ZNF98: variants seen among roughly 807,000 people sequenced by gnomAD.
ZNF98 encodes zinc finger protein 739.
ZNF98 carries 8 observed loss-of-function variants against 12.8 expected under a neutral mutation model. The ratio of observed to expected loss-of-function variants is 0.63; its 90% CI spans 0.37 to 1.13. The LOEUF is 1.13. Ranked by LOEUF, ZNF98 falls within the 50% of genes most tolerant of loss-of-function variation. ZNF98 has a pLI of 0.01. For missense variants in ZNF98, 379 were observed against 666.1 expected (o/e 0.57, Z 4.74); for synonymous variants, 112 against 223.5 (o/e 0.50, Z 4.45).
chr19:22,422,278 T>A lies in ZNF98; in HGVS notation c.-54A>T. ...GTCACAGGGCCACAGAGGCTGGGCC[T>A]CTACGAGCAGAGGACACAGAAGGGC... On this transcript the variant is annotated 5_prime_UTR_variant, in exon 1 of 4. Transcript: ENST00000357774. 6.2e-7 allele frequency: 1 copy of A among 1,604,714 alleles called. No individual in the cohort carries two copies. Among genetic ancestry groups the A allele is most frequent in the Non-Finnish European group, 8.5e-7 (1 of 1,173,258 alleles).
chr19:22,398,442 T>C (rs1969421122), intron 3 of ZNF98, among the ~76,000 whole-genome samples: 1 of 151,618 alleles, frequency 6.6e-6, no homozygotes, highest in Admixed American at 6.6e-5. Context: ...TACAGCTCAC[T>C]GCAGCCTCAA....
intron 3 of ZNF98, among the ~76,000 whole-genome samples, chr19:22,396,877 T>C (rs538882141): frequency 6.6e-6 from 1 of 152,230 alleles, no homozygotes; most frequent in South Asian, 2.1e-4. Flanking sequence ...TCCCAGCACT[T>C]TGGGAGGCTG....
At chr19:22,410,553 G>C (rs1470840594) in intron 1 of ZNF98, among the ~76,000 whole-genome samples, 2 of 152,130 alleles carry the variant, frequency 1.3e-5, no homozygotes, top group Non-Finnish European at 2.9e-5. Context: ...TGAACAATGA[G>C]AACACATGGA....
chr19:22,417,859 A>T (rs1969662569), intron 1 of ZNF98, among the ~76,000 whole-genome samples: 1 of 152,036 alleles, frequency 6.6e-6, no homozygotes, highest in African/African-American at 2.4e-5. Context: ...CAGCTGTGGG[A>T]AAAGGGGGTC....
At chr19:22,412,779 G>A (rs368535404) in intron 1 of ZNF98, among the ~76,000 whole-genome samples, 51 of 152,088 alleles carry the variant, frequency 3.4e-4, no homozygotes, top group South Asian at 3.1e-3. Context: ...GAGGTGGGGC[G>A]CAGTGGCTCA....
chr19:22,400,811 G>A (rs1173062538), intron 3 of ZNF98, among the ~76,000 whole-genome samples: 4 of 150,000 alleles, frequency 2.7e-5, no homozygotes, highest in Admixed American at 2.7e-4. Context: ...AAATTAGCCA[G>A]GCATGGTGGC....
At chr19:22,409,150 T>A (rs999177429) in intron 1 of ZNF98, among the ~76,000 whole-genome samples, 1 of 152,082 alleles carries the variant, frequency 6.6e-6, no homozygotes, top group Non-Finnish European at 1.5e-5. Context: ...TCTACAACCA[T>A]CTGATATTCA....
rs1207879412 is a variant in ZNF98, at chr19:22,392,567, G to C, written c.668C>G (p.Ser223Ter). Residue 223 changes from serine to a stop codon, truncating the protein, a stop_gained, in exon 4 of 4, where the codon TCA becomes TGA. Transcript: ENST00000357774. LOFTEE classifies it low-confidence loss of function (END_TRUNC). ...AATTCTTTTATGTGTAGAAAGGTTT[G>C]AGGCCTCATTATAGGCTTTCCCACA... ...KECGKAYNEA[S>*]NLSTHKRIHT... 5 of 1,612,518 alleles carry C rather than the reference G, an allele frequency of 3.1e-6. No individual in the cohort carries two copies. The African/African-American group carries it at 6.7e-5, about 22-fold the overall frequency.
Position 22,415,677 on chromosome 19 carries a change from G to T in ZNF98, c.30+6518C>A, listed in dbSNP as rs10405764. Among the ~76,000 whole-genome samples the T allele has an allele frequency of 2.5e-3, 377 of 151,728 alleles. 1 individual carries two copies. The highest frequency in any genetic ancestry group is 8.8e-3 in the African/African-American group (362 of 41,364). On this transcript the variant is annotated intron_variant, in intron 1 of 3. Transcript: ENST00000357774. The stretch of plus-strand genomic sequence containing the variant: ...TGTGTGCCTGCAGTCTCAGCTATGT[G>T]GGGGGCTAAAGTAAAAGAAGATTGC...
At position 22,391,231 on chromosome 19, in the gene ZNF98, A is replaced by G. The variant is rs1390497074; in HGVS notation, c.*285T>C. On this transcript the variant is annotated 3_prime_UTR_variant, in exon 4 of 4. Coordinates refer to ENST00000357774, the MANE Select transcript of ZNF98 (RefSeq NM_001098626.2). ...ATCCTCTTCAGCACTTTAAATGCTT[A>G]TATTTTCTGAACTCTTTTGACAGTA... The G allele has an allele frequency of 8.7e-6, 4 of 462,222 alleles. No homozygotes were observed. The highest frequency in any genetic ancestry group is 2.0e-5 in the African/African-American group (1 of 49,616). The allele number at this position is 462,222 out of a possible 1,614,324, so 28.6% of individuals were successfully genotyped here.
Position 22,392,822 on chromosome 19 carries a change from CAT to C in ZNF98, c.411_412del (p.Cys138LeufsTer5). 2 of 1,612,540 alleles carry C rather than the reference CAT, an allele frequency of 1.2e-6. No individual in the cohort carries two copies. The highest frequency in any genetic ancestry group is 1.7e-6 in the Non-Finnish European group (2 of 1,179,506). On this transcript the variant is annotated frameshift_variant, in exon 4 of 4. Coordinates refer to ENST00000357774, the MANE Select transcript of ZNF98 (RefSeq NM_001098626.2). LOFTEE classifies it low-confidence loss of function (END_TRUNC). ...CAAACACTGGTTAAGTCCATTGTAA[CAT>C]TCTTTGTGCACCTTACACTCATCCA...
intron 3 of ZNF98, among the ~76,000 whole-genome samples, chr19:22,400,332 C>T (rs1043800279): frequency 2.6e-5 from 4 of 152,196 alleles, no homozygotes; most frequent in African/African-American, 9.6e-5. Flanking sequence ...ACACAGTGAC[C>T]TTGGGAAATC....
At chr19:22,401,301 T>G (rs1377829983) in intron 3 of ZNF98, among the ~76,000 whole-genome samples, 1 of 152,104 alleles carries the variant, frequency 6.6e-6, no homozygotes, top group Non-Finnish European at 1.5e-5. Flanking sequence ...TTCCATACAC[T>G]TTAAACAAAC....
intron 1 of ZNF98, among the ~76,000 whole-genome samples, chr19:22,409,913 CAAAAAAAAAA>C (rs71180546): frequency 3.4e-5 from 3 of 89,430 alleles, no homozygotes; most frequent in Admixed American, 1.2e-4. Flanking sequence ...CTCTATCTCA[CAAAAAAAAAA>C]AAAAAAAAAA....
chr19:22,414,718 A>G (rs192871924), intron 1 of ZNF98, among the ~76,000 whole-genome samples: 76 of 152,284 alleles, frequency 5.0e-4, no homozygotes, highest in African/African-American at 1.8e-3. Context: ...TCATTACACC[A>G]TATACAAAAA....
At chr19:22,405,570 A>G (rs938630278) in intron 1 of ZNF98, among the ~76,000 whole-genome samples, 11 of 152,154 alleles carry the variant, frequency 7.2e-5, no homozygotes, top group African/African-American at 2.4e-4. Flanking sequence ...TGCTTTTTCC[A>G]TGGAACTGTG....
chr19:22,401,781 G>A (rs1302289351), intron 3 of ZNF98, among the ~76,000 whole-genome samples: 4 of 151,078 alleles, frequency 2.6e-5, no homozygotes, highest in African/African-American at 9.7e-5. Context: ...CACCATGCCC[G>A]GCTGAAAGAA....
intron 1 of ZNF98, among the ~76,000 whole-genome samples, chr19:22,406,736 G>T (rs1484789276): frequency 6.6e-6 from 1 of 151,860 alleles, no homozygotes; most frequent in Non-Finnish European, 1.5e-5. Context: ...AGAATGACGT[G>T]AACCTGGGAG....
intron 3 of ZNF98, among the ~76,000 whole-genome samples, chr19:22,395,784 A>G (rs1375252040): frequency 6.6e-6 from 1 of 152,110 alleles, no homozygotes; most frequent in Non-Finnish European, 1.5e-5. Context: ...TGTGTCATTT[A>G]CAAACATAGT....
Sources: allele counts gnomAD v4.1 joint callset (sites outside exome capture counted in the v4.1 genomes callset), GRCh38; gene constraint gnomAD v4.1.1; transcripts MANE v1.5; gene names NCBI Gene and HGNC (gene_info 2026-07-23, HGNC 2026-07-21).